KCNB2: variants seen among roughly 807,000 people sequenced by gnomAD.
The protein encoded by KCNB2 is delayed rectifier potassium channel protein.
A neutral mutation model predicts 61.5 loss-of-function variants in KCNB2; 15 were observed. The ratio of observed to expected loss-of-function variants is 0.24; its 90% confidence interval spans 0.16 to 0.38. The LOEUF (loss-of-function observed/expected upper bound fraction) is 0.38. Ranked by LOEUF, KCNB2 falls within the 10% of genes least tolerant of loss-of-function variation. KCNB2 has a pLI of 1.00. For synonymous variants in KCNB2, 457 were observed against 446.0 expected, an observed-to-expected ratio of 1.02 and a Z score of -0.31; for missense variants, 828 against 1,125.2, an observed-to-expected ratio of 0.74 and a Z score of 3.78.
At chr8:72,772,012 G>A (rs1326049404) in intron 2 of KCNB2, among the ~76,000 whole-genome samples, 2 of 152,094 alleles carry the variant, frequency 1.3e-5, no homozygotes, top group Non-Finnish European at 2.9e-5. Context: ...GAAGGAGTCA[G>A]GAAGAAAGCT....
At chr8:72,812,334 A>G (rs1271086277) in intron 2 of KCNB2, among the ~76,000 whole-genome samples, 1 of 151,986 alleles carries the variant, frequency 6.6e-6, no homozygotes, top group Admixed American at 6.6e-5. Flanking sequence ...TTATCTAAAA[A>G]TAGTACCAGA....
At chr8:72,770,050 A>G (rs192494942) in intron 2 of KCNB2, among the ~76,000 whole-genome samples, 86 of 152,304 alleles carry the variant, frequency 5.6e-4, no homozygotes, top group African/African-American at 1.9e-3. Context: ...ACTCTCATCA[A>G]TTGGAGAGTC....
chr8:72,706,200 A>T (rs1807220722), intron 2 of KCNB2, among the ~76,000 whole-genome samples: 1 of 152,154 alleles, frequency 6.6e-6, no homozygotes, highest in Admixed American at 6.5e-5. Context: ...CTGAAGAAAG[A>T]CTCTGATCCT....
intron 2 of KCNB2, among the ~76,000 whole-genome samples, chr8:72,786,304 T>G (rs1477551948): frequency 6.6e-6 from 1 of 152,168 alleles, no homozygotes; most frequent in Non-Finnish European, 1.5e-5. Context: ...AAATCTCTTA[T>G]TAGCCACAAT....
In KCNB2 at chr8:72,810,128, G is replaced by A. The variant is rs185162147; in HGVS notation, c.580-125807G>A. On this transcript the variant is annotated intron_variant, in intron 2 of 2. Transcript: ENST00000523207. The stretch of plus-strand genomic sequence containing the variant: ...TACTTAAGATGCCATGGGGAAAGAG[G>A]AATGTCTTGAGAAAATGCCAGTCAA... 7.9e-5 allele frequency among the ~76,000 whole-genome samples: 12 copies of A among 152,244 alleles called. No individual in the cohort carries two copies. In the East Asian group the frequency reaches 2.3e-3, roughly 29 times the overall value.
chr8:72,776,437 A>G (rs1465182670), intron 2 of KCNB2, among the ~76,000 whole-genome samples: 1 of 152,204 alleles, frequency 6.6e-6, no homozygotes, highest in Non-Finnish European at 1.5e-5. Flanking sequence ...TGTGTTTTTA[A>G]AAACACATTG....
At chr8:72,759,694 T>C (rs1808346339) in intron 2 of KCNB2, among the ~76,000 whole-genome samples, 1 of 150,692 alleles carries the variant, frequency 6.6e-6, no homozygotes, top group Non-Finnish European at 1.5e-5. Context: ...GCCTTGGAGA[T>C]AGAGATAGAG....
At chr8:72,798,768 A>G (rs1321404336) in intron 2 of KCNB2, among the ~76,000 whole-genome samples, 2 of 152,136 alleles carry the variant, frequency 1.3e-5, no homozygotes, top group Non-Finnish European at 2.9e-5. Context: ...ACCATGTAGT[A>G]CAGATTTGTA....
At chr8:72,663,013 C>T (rs1019587715) in intron 2 of KCNB2, among the ~76,000 whole-genome samples, 2 of 152,116 alleles carry the variant, frequency 1.3e-5, no homozygotes, top group African/African-American at 4.8e-5. Flanking sequence ...TGAGCTCCTC[C>T]CTACCATGGA....
chr8:72,706,085 A>G (rs1178484509), intron 2 of KCNB2, among the ~76,000 whole-genome samples: 1 of 152,218 alleles, frequency 6.6e-6, no homozygotes, highest in Non-Finnish European at 1.5e-5. Context: ...AGCGACTCCC[A>G]GAGAAGGCCC....
chr8:72,895,116 G>C (rs1805970566), intron 2 of KCNB2, among the ~76,000 whole-genome samples: 1 of 152,188 alleles, frequency 6.6e-6, no homozygotes. Flanking sequence ...TGACAGATGA[G>C]AGAGGCAGAA....
At chr8:72,868,894 C>T (rs1223086480) in intron 2 of KCNB2, among the ~76,000 whole-genome samples, 2 of 150,374 alleles carry the variant, frequency 1.3e-5, no homozygotes, top group Non-Finnish European at 2.9e-5. Context: ...ATATCACCAC[C>T]ACCCATCACA....
chr8:72,804,438 A>G (rs1809184020), intron 2 of KCNB2, among the ~76,000 whole-genome samples: 1 of 152,218 alleles, frequency 6.6e-6, no homozygotes, highest in African/African-American at 2.4e-5. Flanking sequence ...TAGGATCACA[A>G]TGGGGAAAGA....
At position 72,821,638 on chromosome 8, in the gene KCNB2, AAAC is replaced by A. The variant is rs1271486355; in HGVS notation, c.580-114294_580-114292del. On this transcript the variant is annotated intron_variant, in intron 2 of 2. Transcript: ENST00000523207. The stretch of plus-strand genomic sequence containing the variant: ...AGTTCCTACACACACACACAAAAAA[AAAC>A]AAAAAAAAAAAAAAAAAAACACACA... Among the ~76,000 whole-genome samples the A allele has an allele frequency of 1.9e-3, 204 of 106,894 alleles. 2 individuals carry two copies. The highest frequency in any genetic ancestry group is 6.1e-3 in the East Asian group (26 of 4,238). The allele number at this position is 106,894 out of a possible 152,430, so 70.1% of individuals were successfully genotyped here.
chr8:72,791,529 A>G (rs1456827438), intron 2 of KCNB2, among the ~76,000 whole-genome samples: 1 of 152,172 alleles, frequency 6.6e-6, no homozygotes, highest in African/African-American at 2.4e-5. Context: ...ATCCTGGGTG[A>G]CACAGGTGAG....
At chr8:72,670,037 T>C (rs115734220) in intron 2 of KCNB2, among the ~76,000 whole-genome samples, 28 of 152,348 alleles carry the variant, frequency 1.8e-4, no homozygotes, top group African/African-American at 6.3e-4. Flanking sequence ...TACAGATCAC[T>C]GAGCCTCAGT....
intron 2 of KCNB2, among the ~76,000 whole-genome samples, chr8:72,713,862 G>A (rs577370844): frequency 9.5e-4 from 145 of 152,216 alleles, no homozygotes; most frequent in African/African-American, 3.2e-3. Context: ...AAACTACTCC[G>A]AGCTAAAGGA....
intron 2 of KCNB2, among the ~76,000 whole-genome samples, chr8:72,713,219 G>GAA (rs1176955832): frequency 6.6e-6 from 1 of 152,224 alleles, no homozygotes; most frequent in African/African-American, 2.4e-5. Flanking sequence ...GCCTCTGTAG[G>GAA]CTCCACCTCT....
intron 2 of KCNB2, among the ~76,000 whole-genome samples, chr8:72,826,980 A>T (rs997893481): frequency 4.6e-5 from 7 of 152,260 alleles, no homozygotes; most frequent in Admixed American, 1.3e-4. Flanking sequence ...CTGCAGAGAA[A>T]GGATCAAACA....
Sources: gnomAD v4.1 joint callset for allele counts (sites outside exome capture counted in the v4.1 genomes callset) on GRCh38, gnomAD v4.1.1 for gene constraint, MANE v1.5 for transcripts, NCBI Gene and HGNC (gene_info 2026-07-23, HGNC 2026-07-21) for gene names.